UCK2: variants seen among roughly 807,000 people sequenced by gnomAD.
UCK2 encodes the protein cytidine monophosphokinase 2.
Under a neutral mutation model 30.8 loss-of-function variants are expected in UCK2, and 6 were observed. The observed-to-expected ratio is 0.19, with a 90% CI of 0.11 to 0.38. The LOEUF (loss-of-function observed/expected upper bound fraction) is 0.38. UCK2 is among the 10% of genes least tolerant of loss of function. The pLI is 1.00. For synonymous variants in UCK2, 125 were observed against 133.6 expected (o/e 0.94, Z 0.45); for missense variants, 210 against 339.8 (o/e 0.62, Z 3.00).
chr1:165,874,609 A>G lies in UCK2; in HGVS notation c.100-15595A>G, dbSNP rs181823077. ...CAGGTTGGCCACTCTCAGATTTCTT[A>G]GCCTGGAACTCCAAACCAACACTCT... On this transcript the variant is annotated intron_variant, in intron 1 of 6. Coordinates refer to ENST00000367879, the MANE Select transcript of UCK2 (RefSeq NM_012474.5). Among the ~76,000 whole-genome samples the G allele has an allele frequency of 1.8e-3, 271 of 152,306 alleles. 2 individuals are homozygous for G. Among genetic ancestry groups the G allele is most frequent in the African/African-American group, 6.1e-3 (252 of 41,566 alleles).
At chr1:165,890,955 G>A in intron 2 of UCK2, 1 of 388,714 alleles carries the variant, frequency 2.6e-6, no homozygotes, top group Non-Finnish European at 4.8e-6. Flanking sequence ...AGCTAAACTT[G>A]GAGAGGGGAA....
At chr1:165,877,925 T>C (rs1328492101) in intron 1 of UCK2, among the ~76,000 whole-genome samples, 1 of 152,218 alleles carries the variant, frequency 6.6e-6, no homozygotes, top group Admixed American at 6.5e-5. Flanking sequence ...TCCCCTATTA[T>C]CAACACCCCC....
At chr1:165,874,365 C>T (rs932789005) in intron 1 of UCK2, among the ~76,000 whole-genome samples, 4 of 152,174 alleles carry the variant, frequency 2.6e-5, no homozygotes, top group Non-Finnish European at 5.9e-5. Context: ...TCAAATGAGA[C>T]ATAGGGTTTA....
At chr1:165,850,516 T>A (rs1238230872) in intron 1 of UCK2, among the ~76,000 whole-genome samples, 2 of 152,170 alleles carry the variant, frequency 1.3e-5, no homozygotes, top group Non-Finnish European at 2.9e-5. Context: ...CACAGCTGTC[T>A]GCAGCCTTGA....
intron 1 of UCK2, among the ~76,000 whole-genome samples, chr1:165,881,001 G>A (rs1446033021): frequency 2.0e-5 from 3 of 151,654 alleles, no homozygotes; most frequent in Non-Finnish European, 2.9e-5. Context: ...TTGAAACCCC[G>A]TCTCTACTAA....
At chr1:165,883,528 A>G (rs1655550721) in intron 1 of UCK2, among the ~76,000 whole-genome samples, 1 of 152,190 alleles carries the variant, frequency 6.6e-6, no homozygotes, top group Non-Finnish European at 1.5e-5. Flanking sequence ...TTGTGCTCCA[A>G]AAGCTCTTCA....
At chr1:165,870,740 T>C (rs1655175533) in intron 1 of UCK2, among the ~76,000 whole-genome samples, 1 of 152,222 alleles carries the variant, frequency 6.6e-6, no homozygotes. Flanking sequence ...AACATGTATT[T>C]ATTATGCTGC....
chr1:165,827,697 TCGCAGGCGAGCGA>T lies in UCK2; in HGVS notation c.-135_-123del. 7 of 730,038 alleles carry T rather than the reference TCGCAGGCGAGCGA, an allele frequency of 9.6e-6. No individual in the cohort carries two copies. Among genetic ancestry groups the T allele is most frequent in the Non-Finnish European group, 1.3e-5 (7 of 522,812 alleles). The allele number at this position is 730,038 out of a possible 1,614,324, so 45.2% of individuals were successfully genotyped here. A position where few individuals can be genotyped will look rare whatever the true frequency, so the allele number is the denominator to read the frequency against. On this transcript the variant is annotated 5_prime_UTR_variant, in exon 1 of 7. Transcript: ENST00000367879. ...GCCCCGTCACCGGGCTCCGAGCGGC[TCGCAGGCGAGCGA>T]CAGCGGCCTCAGCCCCGGCAGCGCC...
rs1647745985 is a variant in UCK2, at chr1:165,908,399, T to C, written c.*576T>C. The C allele has an allele frequency of 6.6e-6, 1 of 151,466 alleles. No individual in the cohort carries two copies. The allele number at this position is 151,466 out of a possible 1,614,324, so 9.4% of individuals were successfully genotyped here. On this transcript the variant is annotated 3_prime_UTR_variant, in exon 7 of 7. Coordinates refer to ENST00000367879, the MANE Select transcript of UCK2 (RefSeq NM_012474.5). ...GAGCTGGAGCTTAGTGATATGTCAA[T>C]GAGAGATACTCTTGTCTTTTTTTTT...
intron 1 of UCK2, among the ~76,000 whole-genome samples, chr1:165,881,129 C>T (rs556065711): frequency 3.6e-4 from 52 of 145,444 alleles, no homozygotes; most frequent in African/African-American, 1.2e-3. Context: ...GCTGAGATCA[C>T]GCCACTGTAC....
At chr1:165,844,244 G>A (rs185098715) in intron 1 of UCK2, among the ~76,000 whole-genome samples, 17 of 152,336 alleles carry the variant, frequency 1.1e-4, no homozygotes, top group Admixed American at 2.6e-4. Context: ...CTCCTGCAGT[G>A]CCTGCACCTA....
intron 1 of UCK2, among the ~76,000 whole-genome samples, chr1:165,886,129 G>A (rs140498664): frequency 1.1e-4 from 16 of 152,128 alleles, no homozygotes; most frequent in African/African-American, 3.1e-4. Context: ...ACTTTGCATA[G>A]TGAAATCCTA....
intron 4 of UCK2, chr1:165,900,327 G>A (rs2101886710): frequency 6.6e-6 from 1 of 152,316 alleles, no homozygotes. Flanking sequence ...AGAGTTTTAT[G>A]CACATCTCTG....
chr1:165,868,205 G>T (rs1655095624), intron 1 of UCK2, among the ~76,000 whole-genome samples: 1 of 152,206 alleles, frequency 6.6e-6, no homozygotes, highest in Non-Finnish European at 1.5e-5. Context: ...GAGATATGCT[G>T]CCATACTGGC....
intron 3 of UCK2, among the ~76,000 whole-genome samples, chr1:165,895,322 G>A (rs1476467434): frequency 6.6e-6 from 1 of 152,192 alleles, no homozygotes; most frequent in Non-Finnish European, 1.5e-5. Context: ...GCTGAGGCGG[G>A]AGGATCGCCT....
chr1:165,868,560 A>T (rs1326546125), intron 1 of UCK2, among the ~76,000 whole-genome samples: 1 of 152,140 alleles, frequency 6.6e-6, no homozygotes, highest in Non-Finnish European at 1.5e-5. Context: ...TATGTTAGGG[A>T]TATGGTTTCT....
chr1:165,900,728 ATG>A (rs1209569468), intron 4 of UCK2: 2 of 152,510 alleles, frequency 1.3e-5, no homozygotes, highest in East Asian at 1.9e-4. Flanking sequence ...GTTTGTGTGC[ATG>A]TGTGTTTGTG....
intron 1 of UCK2, among the ~76,000 whole-genome samples, chr1:165,869,104 A>G (rs896923902): frequency 6.6e-6 from 1 of 152,234 alleles, no homozygotes; most frequent in African/African-American, 2.4e-5. Context: ...CAGAACATGT[A>G]CATTAATGGA....
rs145387820 is a variant in UCK2 at position 165,860,726 on chromosome 1, A to G, written c.100-29478A>G. 3.1e-3 allele frequency among the ~76,000 whole-genome samples: 475 copies of G among 152,296 alleles called. 2 individuals are homozygous for G. Among genetic ancestry groups the G allele is most frequent in the African/African-American group, 0.011 (457 of 41,550 alleles). On this transcript the variant is annotated intron_variant, in intron 1 of 6. Transcript: ENST00000367879. ...CAGCCTCCCAAAATTCTGGGATTAC[A>G]GGTGTGAGCCACAGCGCCCCGCCCC...
Sources: allele counts gnomAD v4.1 joint callset (sites outside exome capture counted in the v4.1 genomes callset), GRCh38; gene constraint gnomAD v4.1.1; transcripts MANE v1.5; gene names NCBI Gene and HGNC (gene_info 2026-07-23, HGNC 2026-07-21).